Variants in PCDHGA12 observed in about 807,000 individuals in gnomAD.
PCDHGA12 encodes the protein protocadherin gamma-A12.
PCDHGA12 carries 43 observed loss-of-function variants against 61.1 expected under a neutral mutation model. That is an observed-to-expected ratio of 0.70 (90% CI 0.55 to 0.91). The LOEUF is 0.91. Among genes scored for constraint, PCDHGA12 ranks in the 40% least tolerant of loss-of-function variants. The pLI, the probability that PCDHGA12 is intolerant of heterozygous loss-of-function variation, is 0.00. For synonymous variants in PCDHGA12, 520 were observed against 542.9 expected, an observed-to-expected ratio of 0.96 and a Z score of 0.59; for missense variants, 1,236 against 1,227.7, an observed-to-expected ratio of 1.01 and a Z score of -0.10.
chr5:141,470,130 A>G (rs915991313), intron 1 of PCDHGA12, among the ~76,000 whole-genome samples: 4 of 151,534 alleles, frequency 2.6e-5, no homozygotes, highest in African/African-American at 4.9e-5. Flanking sequence ...CTTCGTCTCA[A>G]AAAAAAAGAT....
chr5:141,492,320 G>A (rs1001784912), intron 1 of PCDHGA12, among the ~76,000 whole-genome samples: 1 of 152,206 alleles, frequency 6.6e-6, no homozygotes. Flanking sequence ...CTCCTCGCAC[G>A]TGGGCTTACG....
At chr5:141,497,223 T>C (rs921763195) in intron 2 of PCDHGA12, among the ~76,000 whole-genome samples, 1 of 151,762 alleles carries the variant, frequency 6.6e-6, no homozygotes, top group Admixed American at 6.6e-5. Context: ...GGGGGGAAGA[T>C]CAGAGAAGGC....
chr5:141,478,396 G>T (rs150499152), intron 1 of PCDHGA12: 2 of 1,613,446 alleles, frequency 1.2e-6, no homozygotes, highest in African/African-American at 2.7e-5. Flanking sequence ...ACCATCAGGT[G>T]TATCTCACCA....
At position 141,432,871 on chromosome 5, in the gene PCDHGA12, C is replaced by T. The variant is rs1190891661; in HGVS notation, c.2112C>T (p.Phe704=). Residue 704 remains phenylalanine, a synonymous_variant, in exon 1 of 4, where the codon TTC becomes TTT. Transcript: ENST00000252085. This position sits in a 1 kb window ranked among gnomAD's most constrained non-coding sequence, Gnocchi z 6.0. The part of the protein sequence containing the change: ...VVAVAAVSCV[F]LAFVILLLAL... ...CGGTGGCCGCGGTCTCCTGCGTCTT[C>T]CTGGCCTTCGTCATCTTGCTGCTGG... 1 of 1,614,216 alleles carries T rather than the reference C, an allele frequency of 6.2e-7. No homozygotes were observed. Among genetic ancestry groups the T allele is most frequent in the Non-Finnish European group, 8.5e-7 (1 of 1,180,018 alleles).
In PCDHGA12 at chr5:141,489,210, G is replaced by A; in HGVS notation, c.2425-5597G>A. ...TCTACCTTGGAGACAGGACAGCACAGACTTACTCTCCACAAAGGGACTTCT... is the reference window on the plus strand; with the variant it reads ...TCTACCTTGGAGACAGGACAGCACAAACTTACTCTCCACAAAGGGACTTCT... On this transcript the variant is annotated intron_variant, in intron 1 of 3. Coordinates refer to ENST00000252085, the MANE Select transcript of PCDHGA12 (RefSeq NM_003735.3). The surrounding 1 kb of genome is among the most constrained non-coding windows in gnomAD (Gnocchi z 4.5). 6 of 1,461,860 alleles carry A rather than the reference G, an allele frequency of 4.1e-6. No homozygotes were observed. Among genetic ancestry groups the A allele is most frequent in the Non-Finnish European group, 5.6e-6 (6 of 1,080,904 alleles). 90.6% of individuals were successfully genotyped at this position (1,461,860 alleles called of 1,614,324 possible). A position where few individuals can be genotyped will look rare whatever the true frequency, so the allele number is the denominator to read the frequency against.
At chr5:141,509,625 G>T (rs915049847) in intron 3 of PCDHGA12, among the ~76,000 whole-genome samples, 1 of 152,186 alleles carries the variant, frequency 6.6e-6, no homozygotes, top group Non-Finnish European at 1.5e-5. Flanking sequence ...AAGTTCCTGG[G>T]TGATGCTGAG....
At chr5:141,496,698 C>T (rs2099770595) in intron 2 of PCDHGA12, among the ~76,000 whole-genome samples, 1 of 152,196 alleles carries the variant, frequency 6.6e-6, no homozygotes, top group Non-Finnish European at 1.5e-5. Context: ...CCAACCTTCT[C>T]ATAAGTTATC....
chr5:141,433,307 C>A, intron 1 of PCDHGA12, 124 bp downstream of exon 1: 1 of 913,756 alleles, frequency 1.1e-6, no homozygotes, highest in Non-Finnish European at 1.6e-6. Flanking sequence ...AATTATCCCA[C>A]CTTTGCCTCC....
At chr5:141,480,497 A>G (rs909585240) in intron 1 of PCDHGA12, among the ~76,000 whole-genome samples, 6 of 152,236 alleles carry the variant, frequency 3.9e-5, no homozygotes, top group Non-Finnish European at 8.8e-5. Flanking sequence ...CCTTAGAAAT[A>G]CACATATGAG....
intron 2 of PCDHGA12, among the ~76,000 whole-genome samples, chr5:141,498,371 C>T (rs188547878): frequency 6.6e-6 from 1 of 151,838 alleles, no homozygotes; most frequent in Admixed American, 6.6e-5. Flanking sequence ...TGTGGTGAGG[C>T]CTCCTGGGAT....
intron 1 of PCDHGA12, among the ~76,000 whole-genome samples, chr5:141,452,284 C>G (rs1182155879): frequency 6.6e-6 from 1 of 152,112 alleles, no homozygotes; most frequent in Non-Finnish European, 1.5e-5. Context: ...TTCTTACTTT[C>G]TGATATAAGA....
chr5:141,500,036 T>C (rs1001193977), intron 2 of PCDHGA12, among the ~76,000 whole-genome samples: 8 of 152,176 alleles, frequency 5.3e-5, no homozygotes, highest in African/African-American at 1.9e-4. Flanking sequence ...TGAGTGTCTC[T>C]TAAGTATCTT....
Position 141,511,403 on chromosome 5 carries a change from AC to A in PCDHGA12, c.*231del. ...TCCGCTGGGAACCCCCATCCAATCA[AC>A]TGCTGTACCCATGGGGGTAGTGGGG... is the stretch of plus-strand genomic sequence containing the variant. On this transcript the variant is annotated 3_prime_UTR_variant, in exon 4 of 4. Coordinates refer to ENST00000252085, the MANE Select transcript of PCDHGA12 (RefSeq NM_003735.3). 1.1e-6 allele frequency: 1 copy of A among 939,022 alleles called. No homozygotes were observed. The highest frequency in any genetic ancestry group is 1.5e-6 in the Non-Finnish European group (1 of 650,838). The allele number at this position is 939,022 out of a possible 1,614,324, so 58.2% of individuals were successfully genotyped here. A position where few individuals can be genotyped will look rare whatever the true frequency, so the allele number is the denominator to read the frequency against.
chr5:141,505,618 A>G, intron 3 of PCDHGA12, 137 bp downstream of exon 3: 6 of 1,496,136 alleles, frequency 4.0e-6, no homozygotes, highest in Non-Finnish European at 5.4e-6. Flanking sequence ...GAAAGGACCC[A>G]CAATTCCAAA....
At position 141,430,554 on chromosome 5, in the gene PCDHGA12, A is replaced by G. The variant is rs372392559; in HGVS notation, c.-206A>G. ...GGACTCTGAGCGCCGCTGTTCACCA[A>G]TCGGGGAGAGAAAAGCGGAGATCCT... On this transcript the variant is annotated 5_prime_UTR_variant, in exon 1 of 4. Transcript: ENST00000252085. 13 of 411,906 alleles carry G rather than the reference A, an allele frequency of 3.2e-5. No individual in the cohort carries two copies. Among genetic ancestry groups the G allele is most frequent in the Admixed American group, 4.0e-5 (1 of 24,764 alleles). 25.5% of individuals were successfully genotyped at this position (411,906 alleles called of 1,614,324 possible).
At chr5:141,441,852 G>A in intron 1 of PCDHGA12, 1 of 352,826 alleles carries the variant, frequency 2.8e-6, no homozygotes, top group South Asian at 2.4e-5. Flanking sequence ...TGGATATGGT[G>A]CTGCACGCCG....
In PCDHGA12 at chr5:141,512,267, G is replaced by C. The variant is rs2099884152; in HGVS notation, c.*1094G>C. On this transcript the variant is annotated 3_prime_UTR_variant, in exon 4 of 4. Coordinates refer to ENST00000252085, the MANE Select transcript of PCDHGA12 (RefSeq NM_003735.3). ...GCCTCTGTGGGTGCTGGGTACTCCA[G>C]AGGTGCCACTGGTGGAAGGGTCAGC... 2.6e-5 allele frequency: 4 copies of C among 152,744 alleles called. No homozygotes were observed. Among genetic ancestry groups the C allele is most frequent in the Admixed American group, 2.6e-4 (4 of 15,290 alleles). 9.5% of individuals were successfully genotyped at this position (152,744 alleles called of 1,614,324 possible). A position where few individuals can be genotyped will look rare whatever the true frequency, so the allele number is the denominator to read the frequency against.
chr5:141,492,230 C>T (rs1286145654), intron 1 of PCDHGA12, among the ~76,000 whole-genome samples: 1 of 152,196 alleles, frequency 6.6e-6, no homozygotes. Flanking sequence ...CGTGTCCTCC[C>T]TGCTGGCCAC....
intron 1 of PCDHGA12, among the ~76,000 whole-genome samples, chr5:141,482,089 C>CAA (rs36035257): frequency 1.0e-3 from 137 of 134,516 alleles, no homozygotes; most frequent in African/African-American, 1.5e-3. Context: ...CACTCCATCT[C>CAA]AAAAAAAAAA....
Sources: gnomAD v4.1 joint callset for allele counts (sites outside exome capture counted in the v4.1 genomes callset) on GRCh38, gnomAD v4.1.1 for gene constraint, Gnocchi (gnomAD v3.1) non-coding constraint, MANE v1.5 for transcripts, NCBI Gene and HGNC (gene_info 2026-07-23, HGNC 2026-07-21) for gene names.